The following PFKP variants were observed in gnomAD, a reference collection of about 807,000 sequenced individuals.
PFKP encodes ATP-dependent 6-phosphofructokinase, platelet type.
PFKP carries 101 observed loss-of-function variants against 94.3 expected under a neutral mutation model. The ratio of observed to expected loss-of-function variants is 1.07; its 90% confidence interval spans 0.91 to 1.26. The LOEUF (loss-of-function observed/expected upper bound fraction) is 1.26, where lower values mean the gene tolerates loss of function less well. Ranked by LOEUF, PFKP falls within the 50% of genes most tolerant of loss-of-function variation. The probability of loss-of-function intolerance (pLI) is 0.00; values close to 1 mark genes in which losing one functional copy is unlikely to be tolerated. For synonymous variants in PFKP, 573 were observed against 432.6 expected (o/e 1.32, Z -4.03); for missense variants, 1,145 against 1,103.3 (o/e 1.04, Z -0.53).
chr10:3,079,918 G>C (rs1186826564), intron 1 of PFKP, among the ~76,000 whole-genome samples: 1 of 151,068 alleles, frequency 6.6e-6, no homozygotes, highest in Non-Finnish European at 1.5e-5. Context: ...GGGGCGGGAG[G>C]CTCTGTCCTG....
In PFKP at chr10:3,103,714, A is replaced by ACCCCTC. The variant is rs1835245796; in HGVS notation, c.455-65_455-64insCCCCTC. 13 of 1,569,710 alleles carry ACCCCTC rather than the reference A, an allele frequency of 8.3e-6. No homozygotes were observed. In the Admixed American group the frequency reaches 1.7e-4, roughly 20 times the overall value. ...CCCATGGCCATTCTGCCTCACCCCTAGTGGGGCACCCCCCGAACGCGCCAT... is the reference window on the plus strand; with the variant it reads ...CCCATGGCCATTCTGCCTCACCCCTACCCCTCGTGGGGCACCCCCCGAACGCGCCAT... On this transcript the variant is annotated intron_variant, in intron 4 of 21. Transcript: ENST00000381125.
At chr10:3,100,043 TGTGTAG>T (rs1834837496) in intron 3 of PFKP, among the ~76,000 whole-genome samples, 2 of 140,842 alleles carry the variant, frequency 1.4e-5, no homozygotes, top group South Asian at 4.4e-4. Context: ...TGTCCTTGTA[TGTGTAG>T]GTGTGTGGTG....
In PFKP at chr10:3,099,369, G is replaced by A. The variant is rs745898019; in HGVS notation, c.264+17G>A. ...CTGCAAGTGGTAGGTACTGGGCTGC[G>A]TCCACAGGGTTCTCTGAGTTAGAGA... On this transcript the variant is annotated intron_variant, in intron 3 of 21. Transcript: ENST00000381125. The A allele has an allele frequency of 4.8e-5, 76 of 1,596,916 alleles. No homozygotes were observed. Among genetic ancestry groups the A allele is most frequent in the East Asian group, 1.1e-4 (5 of 44,810 alleles).
intron 1 of PFKP, among the ~76,000 whole-genome samples, chr10:3,079,560 T>C (rs1285275268): frequency 2.0e-5 from 3 of 151,462 alleles, no homozygotes; most frequent in Non-Finnish European, 4.4e-5. Context: ...AGAATTTTAT[T>C]CCTTCTTCTA....
chr10:3,108,662 C>T (rs1221016439), intron 8 of PFKP, 39 bp from the exon 9 acceptor site: 2 of 1,491,076 alleles, frequency 1.3e-6, no homozygotes, highest in Non-Finnish European at 1.9e-6. Context: ...GCTGTGTCCG[C>T]ATCACAGTTC....
At chr10:3,123,111 C>A (rs1324079876) in intron 16 of PFKP, among the ~76,000 whole-genome samples, 1 of 152,142 alleles carries the variant, frequency 6.6e-6, no homozygotes, top group Non-Finnish European at 1.5e-5. Flanking sequence ...GGTGAGTGGT[C>A]CTCCGGGCAG....
chr10:3,082,429 T>C lies in PFKP; in HGVS notation c.154T>C (p.Tyr52His). The change falls in exon 2 of 22, where the codon TAC (tyrosine) becomes CAC (histidine). Residue 52 changes from tyrosine to histidine, a missense_variant. Physicochemically the swap from Tyr to His is moderately conservative, Grantham distance 83. Around this residue, in one of 3 missense-constraint regions of PFKP, gnomAD observed 1,119 missense variants for 1,062.8 expected, o/e 1.05. Transcript: ENST00000381125. ...CCGTGCCGTGGTGCGCATGGGTATC[T>C]ACGTGGGGGCCAAGGTGTACTTCAT... is the stretch of plus-strand genomic sequence containing the variant. ...AVRAVVRMGI[Y>H]VGAKVYFIYE... is the part of the protein sequence containing the mutation. The C allele has an allele frequency of 6.2e-7, 1 of 1,608,336 alleles. No homozygotes were observed. Among genetic ancestry groups the C allele is most frequent in the South Asian group, 1.1e-5 (1 of 90,586 alleles).
rs201526060 is a variant in PFKP at position 3,113,207 on chromosome 10, G to A, written c.1224+19G>A. ...CCCAAAGGTAGGTGGCCGGCCTCCC[G>A]CGATGCCCCGACCTCTCCTGCGGGC... On this transcript the variant is annotated intron_variant, in intron 12 of 21. Coordinates refer to ENST00000381125, the MANE Select transcript of PFKP (RefSeq NM_002627.5). 9 of 1,606,376 alleles carry A rather than the reference G, an allele frequency of 5.6e-6. No individual in the cohort carries two copies. Among genetic ancestry groups the A allele is most frequent in the African/African-American group, 2.7e-5 (2 of 74,868 alleles).
intron 2 of PFKP, among the ~76,000 whole-genome samples, chr10:3,095,935 C>G (rs1317886749): frequency 6.8e-6 from 1 of 147,596 alleles, no homozygotes; most frequent in African/African-American, 2.5e-5. Flanking sequence ...AGGTGGCACT[C>G]AGAAAGCCCT....
At chr10:3,096,659 C>CCT (rs1554765621) in intron 2 of PFKP, among the ~76,000 whole-genome samples, 4 of 151,456 alleles carry the variant, frequency 2.6e-5, no homozygotes, top group Non-Finnish European at 5.9e-5. Flanking sequence ...CCTTGCCCCC[C>CCT]CGAGCTTCAT....
At chr10:3,095,236 C>CG (rs559127368) in intron 2 of PFKP, among the ~76,000 whole-genome samples, 1 of 151,600 alleles carries the variant, frequency 6.6e-6, no homozygotes. Context: ...AGAAAGCCAC[C>CG]CATAGGTGAA....
chr10:3,068,248 C>T (rs947753931), intron 1 of PFKP, among the ~76,000 whole-genome samples: 1 of 152,160 alleles, frequency 6.6e-6, no homozygotes, highest in Non-Finnish European at 1.5e-5. Flanking sequence ...CGCGCGCCTC[C>T]TGTCGCCTCG....
chr10:3,134,144 C>G (rs561784449), intron 19 of PFKP, among the ~76,000 whole-genome samples: 6 of 152,318 alleles, frequency 3.9e-5, no homozygotes, highest in African/African-American at 1.2e-4. Context: ...TATGTGTGAT[C>G]TTCTTAAAGA....
At chr10:3,070,898 AATTATTATT>A (rs142048993) in intron 1 of PFKP, among the ~76,000 whole-genome samples, 6 of 140,224 alleles carry the variant, frequency 4.3e-5, no homozygotes, top group East Asian at 3.9e-4. Flanking sequence ...ATGACCAGCT[AATTATTATT>A]ATTATTATTA....
intron 1 of PFKP, among the ~76,000 whole-genome samples, chr10:3,070,091 C>G (rs556480792): frequency 6.6e-6 from 1 of 152,274 alleles, no homozygotes; most frequent in African/African-American, 2.4e-5. Context: ...TGGGTCACAC[C>G]TGGGCTGTCC....
chr10:3,125,083 C>A (rs1354657825), intron 16 of PFKP: 3 of 1,252,364 alleles, frequency 2.4e-6, no homozygotes, highest in Non-Finnish European at 2.1e-6. Context: ...AACCGCTTGG[C>A]CCTGCTGCTT....
At chr10:3,080,278 G>A (rs1427244586) in intron 1 of PFKP, among the ~76,000 whole-genome samples, 2 of 152,184 alleles carry the variant, frequency 1.3e-5, no homozygotes, top group Non-Finnish European at 2.9e-5. Flanking sequence ...AGCACTTTGG[G>A]AGGCTGAGGC....
chr10:3,104,111 T>G (rs1434743912), intron 5 of PFKP, among the ~76,000 whole-genome samples, 167 bp downstream of exon 5: 5 of 152,254 alleles, frequency 3.3e-5, no homozygotes, highest in Non-Finnish European at 7.3e-5. Flanking sequence ...GGTCTACTTT[T>G]CATTTTTAAT....
At position 3,133,323 on chromosome 10, in the gene PFKP, G is replaced by C. The variant is rs374121824; in HGVS notation, c.2022+9G>C. On this transcript the variant is annotated intron_variant, in intron 19 of 21. Coordinates refer to ENST00000381125, the MANE Select transcript of PFKP (RefSeq NM_002627.5). ...TGGGTCACATGCAGCAGGTAGGCCC[G>C]AGACTGCATGAGGGGCCACAAAGCC... is the stretch of plus-strand genomic sequence containing the variant. 2 of 1,539,200 alleles carry C rather than the reference G, an allele frequency of 1.3e-6. No individual in the cohort carries two copies. The highest frequency in any genetic ancestry group is 2.7e-5 in the African/African-American group (2 of 73,550).
Sources: allele counts gnomAD v4.1 joint callset (sites outside exome capture counted in the v4.1 genomes callset), GRCh38; gene constraint gnomAD v4.1.1; regional missense constraint gnomAD v4.1.1; transcripts MANE v1.5; gene names NCBI Gene and HGNC (gene_info 2026-07-23, HGNC 2026-07-21).